Variants in ZDHHC14 observed in about 807,000 individuals in gnomAD.
ZDHHC14 encodes the protein zDHHC palmitoyltransferase 14, also known as palmitoyltransferase ZDHHC14.
In ZDHHC14, 16 loss-of-function variants were observed where a neutral mutation model predicts 47.7. The observed-to-expected ratio is 0.34, with a 90% CI of 0.23 to 0.51. The LOEUF (loss-of-function observed/expected upper bound fraction) is 0.51, where lower values mean the gene tolerates loss of function less well. Ranked by LOEUF, ZDHHC14 falls within the 20% of genes least tolerant of loss-of-function variation. The probability of loss-of-function intolerance (pLI) is 0.97; values close to 1 mark genes in which losing one functional copy is unlikely to be tolerated. For synonymous variants in ZDHHC14, 293 were observed against 278.9 expected (o/e 1.05, Z -0.50); for missense variants, 515 against 662.5 (o/e 0.78, Z 2.44).
At chr6:157,435,644 A>G (rs1385371102) in intron 1 of ZDHHC14, among the ~76,000 whole-genome samples, 1 of 151,788 alleles carries the variant, frequency 6.6e-6, no homozygotes, top group Non-Finnish European at 1.5e-5. Flanking sequence ...GGCTCAAGTG[A>G]TCCTCCTGCC....
intron 1 of ZDHHC14, among the ~76,000 whole-genome samples, chr6:157,394,484 G>A (rs1777483601): frequency 6.6e-6 from 1 of 152,204 alleles, no homozygotes; most frequent in Non-Finnish European, 1.5e-5. Context: ...CGTACAAGAA[G>A]TCTAGCTCCC....
At chr6:157,454,919 A>G (rs1311931447) in intron 1 of ZDHHC14, among the ~76,000 whole-genome samples, 1 of 152,184 alleles carries the variant, frequency 6.6e-6, no homozygotes, top group Non-Finnish European at 1.5e-5. Context: ...TGGACCAGAA[A>G]GCATCCTTTT....
Position 157,502,466 on chromosome 6 carries a change from T to C in ZDHHC14, c.246-40119T>C, listed in dbSNP as rs958862973. Among the ~76,000 whole-genome samples the C allele has an allele frequency of 2.6e-5, 4 of 152,210 alleles. No individual in the cohort carries two copies. The highest frequency in any genetic ancestry group is 1.3e-4 in the Admixed American group (2 of 15,280). On this transcript the variant is annotated intron_variant, in intron 1 of 8. Transcript: ENST00000359775. This position sits in a 1 kb window ranked among gnomAD's most constrained non-coding sequence, Gnocchi z 4.0. ...ATCCTGTTCAAGGGTTTTCAAAACC[T>C]GCCTTGGAAAGAAAGTCCATGCTCA...
At chr6:157,436,345 A>G (rs1209783117) in intron 1 of ZDHHC14, among the ~76,000 whole-genome samples, 1 of 152,180 alleles carries the variant, frequency 6.6e-6, no homozygotes, top group Admixed American at 6.5e-5. Context: ...ACACGCAGTG[A>G]AGCATGTGCT....
At chr6:157,645,688 ACTT>A (rs1272281403) in intron 5 of ZDHHC14, 46 bp from the exon 6 acceptor site, 1 of 1,510,926 alleles carries the variant, frequency 6.6e-7, no homozygotes, top group Non-Finnish European at 9.1e-7. Flanking sequence ...CATCACATCC[ACTT>A]CTTGCGCGGT....
chr6:157,575,103 C>CTGCA (rs1783257943), intron 2 of ZDHHC14, among the ~76,000 whole-genome samples: 1 of 152,138 alleles, frequency 6.6e-6, no homozygotes, highest in Non-Finnish European at 1.5e-5. Flanking sequence ...AGCCTGAATC[C>CTGCA]TGCAGGGCAG....
intron 1 of ZDHHC14, among the ~76,000 whole-genome samples, chr6:157,493,922 G>A (rs1018868864): frequency 6.6e-6 from 1 of 152,182 alleles, no homozygotes; most frequent in African/African-American, 2.4e-5. Flanking sequence ...AGCTCTAATT[G>A]TCAGCTCAGC....
intron 1 of ZDHHC14, among the ~76,000 whole-genome samples, chr6:157,429,040 C>T (rs1168079344): frequency 6.6e-6 from 1 of 152,118 alleles, no homozygotes; most frequent in Non-Finnish European, 1.5e-5. Flanking sequence ...TGACTGGAAC[C>T]TGCAAGTCTG....
chr6:157,563,424 G>C (rs2114844752), intron 2 of ZDHHC14, among the ~76,000 whole-genome samples: 1 of 152,348 alleles, frequency 6.6e-6, no homozygotes, highest in African/African-American at 2.4e-5. Flanking sequence ...CTTGGGGGAG[G>C]CTGTTTTGTT....
At chr6:157,484,328 C>CATATATATACACATATATAT (rs1562443883) in intron 1 of ZDHHC14, among the ~76,000 whole-genome samples, 25 of 82,660 alleles carry the variant, frequency 3.0e-4, no homozygotes, top group Non-Finnish European at 5.3e-4. Context: ...CATATATATA[C>CATATATATACACATATATAT]GTATATATAC....
chr6:157,444,990 G>A (rs975440116), intron 1 of ZDHHC14, among the ~76,000 whole-genome samples: 4 of 152,052 alleles, frequency 2.6e-5, no homozygotes, highest in African/African-American at 9.7e-5. Flanking sequence ...CCCAGTGTGA[G>A]GAGGCCAGAG....
intron 1 of ZDHHC14, among the ~76,000 whole-genome samples, chr6:157,410,589 C>T (rs1777853699): frequency 6.6e-6 from 1 of 152,218 alleles, no homozygotes; most frequent in Non-Finnish European, 1.5e-5. Context: ...GAAGTAGTCA[C>T]TTTAGGCTAA....
intron 1 of ZDHHC14, among the ~76,000 whole-genome samples, chr6:157,389,762 C>T (rs1240098609): frequency 6.6e-6 from 1 of 152,150 alleles, no homozygotes; most frequent in Non-Finnish European, 1.5e-5. Flanking sequence ...CATAATTCCT[C>T]TTACTCCTTC....
At chr6:157,594,039 G>A (rs1784021357) in intron 3 of ZDHHC14, among the ~76,000 whole-genome samples, 1 of 152,206 alleles carries the variant, frequency 6.6e-6, no homozygotes, top group Non-Finnish European at 1.5e-5. Context: ...CTGTTACCTC[G>A]TAACTGAAAG....
chr6:157,661,404 T>A (rs1221043304), intron 8 of ZDHHC14, among the ~76,000 whole-genome samples: 3 of 152,228 alleles, frequency 2.0e-5, no homozygotes, highest in African/African-American at 7.2e-5. Context: ...GAAGATTATT[T>A]TTTGAAATCA....
In ZDHHC14 at chr6:157,398,031, CCCCCAGCT is replaced by C. The variant is rs1327048874; in HGVS notation, c.245+15781_245+15788del. 2.3e-3 allele frequency among the ~76,000 whole-genome samples: 347 copies of C among 151,066 alleles called. 3 individuals are homozygous for C. The highest frequency in any genetic ancestry group is 0.01 in the Middle Eastern group (3 of 294). ...CTCCTCAGCTCCCGAGCCCCTCAGC[CCCCCAGCT>C]CCCCAGCTCCCCAGCCCCCCAGCTC... is the stretch of plus-strand genomic sequence containing the variant. On this transcript the variant is annotated intron_variant, in intron 1 of 8. Coordinates refer to ENST00000359775, the MANE Select transcript of ZDHHC14 (RefSeq NM_024630.3).
Position 157,672,986 on chromosome 6 carries a change from C to T in ZDHHC14, c.1331C>T (p.Ala444Val), listed in dbSNP as rs1423079521. ...CACCAGTTCCTGACGCCCGATGAGG[C>T]GCCCTCGCCCCCCAGGCTACTGGCG... The part of the protein sequence containing the change: ...MGHQFLTPDE[A>V]PSPPRLLAAG... The change falls in exon 9 of 9, where the codon GCG (alanine) becomes GTG (valine). Residue 444 changes from alanine to valine, a missense_variant. By Grantham distance (64) the Ala-to-Val change is moderately conservative. Transcript: ENST00000359775. 5 of 1,591,224 alleles carry T rather than the reference C, an allele frequency of 3.1e-6. No individual in the cohort carries two copies. Among genetic ancestry groups the T allele is most frequent in the Admixed American group, 1.7e-5 (1 of 58,466 alleles).
intron 1 of ZDHHC14, among the ~76,000 whole-genome samples, chr6:157,385,538 C>T (rs1777293392): frequency 6.6e-6 from 1 of 152,266 alleles, no homozygotes; most frequent in African/African-American, 2.4e-5. Flanking sequence ...ATTCTTCTCT[C>T]ATCCCAGCTC....
At chr6:157,484,267 A>ATG (rs1459316158) in intron 1 of ZDHHC14, among the ~76,000 whole-genome samples, 1 of 141,820 alleles carries the variant, frequency 7.1e-6, no homozygotes, top group African/African-American at 2.6e-5. Context: ...TTATATATAT[A>ATG]TGTATATATA....
Sources: gnomAD v4.1 joint callset for allele counts (sites outside exome capture counted in the v4.1 genomes callset) on GRCh38, gnomAD v4.1.1 for gene constraint, Gnocchi (gnomAD v3.1) non-coding constraint, MANE v1.5 for transcripts, NCBI Gene and HGNC (gene_info 2026-07-23, HGNC 2026-07-21) for gene names.